DERA: variants seen among roughly 807,000 people sequenced by gnomAD.
The protein encoded by DERA is deoxyribose-phosphate aldolase.
DERA carries 15 observed loss-of-function variants against 41.1 expected under a neutral mutation model. That is an observed-to-expected ratio of 0.37 (90% CI 0.24 to 0.56). The LOEUF is 0.56. Among genes scored for constraint, DERA ranks in the 20% least tolerant of loss-of-function variants. DERA has a pLI of 0.81. For synonymous variants in DERA, 139 were observed against 137.4 expected (o/e 1.01, Z -0.08); for missense variants, 396 against 403.4 (o/e 0.98, Z 0.16).
intron 1 of DERA, among the ~76,000 whole-genome samples, chr12:15,920,568 C>G (rs1379633776): frequency 6.6e-6 from 1 of 152,214 alleles, no homozygotes; most frequent in Middle Eastern, 3.2e-3. Context: ...GGCGTGGTGG[C>G]TCATGCCTGT....
intron 1 of DERA, among the ~76,000 whole-genome samples, chr12:15,939,697 A>G (rs1352106181): frequency 6.6e-6 from 1 of 152,048 alleles, no homozygotes; most frequent in Non-Finnish European, 1.5e-5. Context: ...TTTAGAAGAT[A>G]GTTCAAGACC....
chr12:16,028,540 T>C (rs1949068943), intron 6 of DERA, among the ~76,000 whole-genome samples: 1 of 152,196 alleles, frequency 6.6e-6, no homozygotes, highest in Non-Finnish European at 1.5e-5. Context: ...GGGATACCCA[T>C]AATGACTTCT....
intron 1 of DERA, among the ~76,000 whole-genome samples, chr12:15,949,423 T>A (rs1948478699): frequency 1.3e-5 from 2 of 151,842 alleles, no homozygotes; most frequent in African/African-American, 4.8e-5. Flanking sequence ...CCAGCCTCAC[T>A]GCCACCTTGT....
chr12:15,949,372 G>C (rs1948477902), intron 1 of DERA, among the ~76,000 whole-genome samples: 1 of 152,130 alleles, frequency 6.6e-6, no homozygotes, highest in African/African-American at 2.4e-5. Flanking sequence ...CAGCAGCTCT[G>C]TTTACCTATT....
At position 16,019,011 on chromosome 12, in the gene DERA, G is replaced by A. The variant is rs76174699; in HGVS notation, c.638-13531G>A. On this transcript the variant is annotated intron_variant, in intron 6 of 8. Coordinates refer to ENST00000428559, the MANE Select transcript of DERA (RefSeq NM_015954.4). This position sits in a 1 kb window ranked among gnomAD's most constrained non-coding sequence, Gnocchi z 4.4. ...GATTTTTGTCCCCAAGCTGAGCAGA[G>A]GTAAGCTTGGCTAATGTTAGATTTA... 5.5e-3 allele frequency among the ~76,000 whole-genome samples: 844 copies of A among 152,248 alleles called. 6 individuals carry two copies. Among genetic ancestry groups the A allele is most frequent in the African/African-American group, 0.019 (797 of 41,556 alleles).
Position 16,036,971 on chromosome 12 carries a change from A to G in DERA, c.*225A>G, listed in dbSNP as rs1449761922. The G allele has an allele frequency of 4.3e-6, 2 of 467,234 alleles. No homozygotes were observed. Among genetic ancestry groups the G allele is most frequent in the Non-Finnish European group, 7.5e-6 (2 of 267,826 alleles). 28.9% of individuals were successfully genotyped at this position (467,234 alleles called of 1,614,324 possible). On this transcript the variant is annotated 3_prime_UTR_variant, in exon 9 of 9. Coordinates refer to ENST00000428559, the MANE Select transcript of DERA (RefSeq NM_015954.4). The surrounding 1 kb of genome is among the most constrained non-coding windows in gnomAD (Gnocchi z 4.9). ...TCTTAATTACTAGAAGATCTGCACTATTAACTTTGTGAAGAGTTTCTCCTA... is the reference window on the plus strand; with the variant it reads ...TCTTAATTACTAGAAGATCTGCACTGTTAACTTTGTGAAGAGTTTCTCCTA...
At chr12:15,944,962 G>C (rs1181412215) in intron 1 of DERA, among the ~76,000 whole-genome samples, 2 of 152,046 alleles carry the variant, frequency 1.3e-5, no homozygotes, top group South Asian at 2.1e-4. Context: ...AGCCAGTTTT[G>C]CCAGCATCAT....
rs138402010 is a variant in DERA at position 15,963,019 on chromosome 12, G to A, written c.508+72G>A. 3 of 1,536,678 alleles carry A rather than the reference G, an allele frequency of 2.0e-6. No homozygotes were observed. In the African/African-American group the frequency reaches 4.1e-5, roughly 21 times the overall value. Reference sequence around the variant, plus strand: ...TGAATCAGATGATGAGGTAAGATGTGGTATGTTTTAGAGGTCACTGTTCTA... The same window carrying A: ...TGAATCAGATGATGAGGTAAGATGTAGTATGTTTTAGAGGTCACTGTTCTA... On this transcript the variant is annotated intron_variant, in intron 5 of 8. Transcript: ENST00000428559.
At chr12:15,987,993 C>T (rs1345281343) in intron 6 of DERA, among the ~76,000 whole-genome samples, 1 of 152,138 alleles carries the variant, frequency 6.6e-6, no homozygotes, top group Non-Finnish European at 1.5e-5. Flanking sequence ...CAGGTGCAGA[C>T]TCCATGCGAG....
At chr12:15,917,818 T>G (rs548390655) in intron 1 of DERA, among the ~76,000 whole-genome samples, 57 of 152,298 alleles carry the variant, frequency 3.7e-4, no homozygotes, top group African/African-American at 1.2e-3. Flanking sequence ...AGCACCAAAG[T>G]CAGCCAGTTC....
intron 1 of DERA, among the ~76,000 whole-genome samples, chr12:15,950,030 T>C (rs765600083): frequency 6.6e-6 from 1 of 152,170 alleles, no homozygotes; most frequent in East Asian, 1.9e-4. Context: ...GTCCCTGCTT[T>C]GCCTTAGATA....
Position 16,036,229 on chromosome 12 carries a change from T to C in DERA, c.751-3T>C. ...TTGTTCTATTCTCTGCCTTCCCATT[T>C]AGATAGGGTTTAAACCAGCAGGAGG... On this transcript the variant is annotated splice_polypyrimidine_tract_variant and splice_region_variant and intron_variant, in intron 7 of 8. Transcript: ENST00000428559. The surrounding 1 kb of genome is among the most constrained non-coding windows in gnomAD (Gnocchi z 4.9). 2 of 1,594,640 alleles carry C rather than the reference T, an allele frequency of 1.3e-6. No homozygotes were observed. The highest frequency in any genetic ancestry group is 1.7e-4 in the Middle Eastern group (1 of 5,952).
chr12:15,973,286 A>G (rs969273089), intron 5 of DERA, among the ~76,000 whole-genome samples: 4 of 152,172 alleles, frequency 2.6e-5, no homozygotes, highest in African/African-American at 7.2e-5. Context: ...TTATAAGTCA[A>G]AACATTTATT....
rs113870918 is a variant in DERA at position 15,981,158 on chromosome 12, T to C, written c.509-1150T>C. On this transcript the variant is annotated intron_variant, in intron 5 of 8. Transcript: ENST00000428559. This position sits in a 1 kb window ranked among gnomAD's most constrained non-coding sequence, Gnocchi z 6.1. ...GATCAGGAGATCGAGACCATCCTGGTTAACACGGTGAAACCCCGTCTCTAC... is the reference window on the plus strand; with the variant it reads ...GATCAGGAGATCGAGACCATCCTGGCTAACACGGTGAAACCCCGTCTCTAC... Among the ~76,000 whole-genome samples the C allele has an allele frequency of 0.049, 7,468 of 152,058 alleles. 255 individuals carry two copies. The highest frequency in any genetic ancestry group is 0.074 in the Non-Finnish European group (5,040 of 67,982).
rs1001164247 is a variant in DERA, at chr12:15,970,770, A to G, written c.508+7823A>G. Among the ~76,000 whole-genome samples the G allele has an allele frequency of 6.6e-6, 1 of 152,238 alleles. No homozygotes were observed. The highest frequency in any genetic ancestry group is 1.5e-5 in the Non-Finnish European group (1 of 68,044). ...ACCTGATTCTTTCCATGTTGTTTTC[A>G]GAGGTTGACACCAAACTACCAAGTA... On this transcript the variant is annotated intron_variant, in intron 5 of 8. Transcript: ENST00000428559. The surrounding 1 kb of genome is among the most constrained non-coding windows in gnomAD (Gnocchi z 4.3).
intron 1 of DERA, among the ~76,000 whole-genome samples, chr12:15,923,848 G>T (rs1054687016): frequency 6.6e-6 from 1 of 151,812 alleles, no homozygotes; most frequent in Admixed American, 6.6e-5. Context: ...ATCTGCCCCT[G>T]GAAAATCCAT....
At position 15,959,961 on chromosome 12, in the gene DERA, A is replaced by T; in HGVS notation, c.373+37A>T. On this transcript the variant is annotated intron_variant, in intron 4 of 8. Transcript: ENST00000428559. The surrounding 1 kb of genome is among the most constrained non-coding windows in gnomAD (Gnocchi z 4.5). ...TGTGGCTTTTGTTGTTATTTTTTAA[A>T]CATGTTTCCAGTTCTTCATACAATG... 1 of 1,469,028 alleles carries T rather than the reference A, an allele frequency of 6.8e-7. No homozygotes were observed. The allele number at this position is 1,469,028 out of a possible 1,614,324, so 91.0% of individuals were successfully genotyped here.
At chr12:16,030,714 T>C (rs557898106) in intron 6 of DERA, among the ~76,000 whole-genome samples, 24 of 152,362 alleles carry the variant, frequency 1.6e-4, no homozygotes, top group East Asian at 7.7e-4. Context: ...ATAGAACTTA[T>C]CTCCACTTGA....
Position 16,017,054 on chromosome 12 carries a change from TCAGTAACCAAGGATTATA to T in DERA, c.638-15483_638-15466del, listed in dbSNP as rs1948987752. Among the ~76,000 whole-genome samples the T allele has an allele frequency of 6.6e-6, 1 of 152,200 alleles. No individual in the cohort carries two copies. The highest frequency in any genetic ancestry group is 1.5e-5 in the Non-Finnish European group (1 of 68,044). On this transcript the variant is annotated intron_variant, in intron 6 of 8. Transcript: ENST00000428559. This position sits in a 1 kb window ranked among gnomAD's most constrained non-coding sequence, Gnocchi z 5.5. Reference sequence around the variant, plus strand: ...ATAATTATGCAGAATCTTCTCCTAGTCAGTAACCAAGGATTATACAGTCAGAGTCCCCACTTTGTATTC... The same window carrying T: ...ATAATTATGCAGAATCTTCTCCTAGTCAGTCAGAGTCCCCACTTTGTATTC...
Sources: allele counts gnomAD v4.1 joint callset (sites outside exome capture counted in the v4.1 genomes callset), GRCh38; gene constraint gnomAD v4.1.1; non-coding constraint Gnocchi (gnomAD v3.1); transcripts MANE v1.5; gene names NCBI Gene and HGNC (gene_info 2026-07-23, HGNC 2026-07-21).